CREB3: variants seen among roughly 807,000 people sequenced by gnomAD.
CREB3 encodes the protein cAMP responsive element binding protein 3.
In CREB3, 29 loss-of-function variants were observed where a neutral mutation model predicts 34.5. The ratio of observed to expected loss-of-function variants is 0.84; its 90% CI spans 0.63 to 1.15. The LOEUF (loss-of-function observed/expected upper bound fraction) is 1.15, where lower values mean the gene tolerates loss of function less well. Among genes scored for constraint, CREB3 ranks in the 50% most tolerant of loss-of-function variants. The pLI, the probability that CREB3 is intolerant of heterozygous loss-of-function variation, is 0.00. For missense variants in CREB3, 447 were observed against 443.4 expected (o/e 1.01, Z -0.07); for synonymous variants, 187 against 173.9 (o/e 1.08, Z -0.59).
rs376855806 is a variant in CREB3 at position 35,732,890 on chromosome 9, C to T, written c.118C>T (p.Pro40Ser). The T allele has an allele frequency of 8.7e-6, 14 of 1,613,596 alleles. No individual in the cohort carries two copies. The highest frequency in any genetic ancestry group is 2.2e-5 in the South Asian group (2 of 91,018). ...GAGGGCCCCACTGGACTGGGCGCTG[C>T]CGCTTTCTGAGGTAGGTTGGGGTTC... Reference protein sequence around the residue: ...AVRAPLDWALPLSEVPSDWEV... With the variant: ...AVRAPLDWALSLSEVPSDWEV... Residue 40 changes from proline (P) to serine (S), a missense_variant, in exon 1 of 9, where the codon CCG becomes TCG. Coordinates refer to ENST00000353704, the MANE Select transcript of CREB3 (RefSeq NM_006368.5). The surrounding 1 kb of genome is among the most constrained non-coding windows in gnomAD (Gnocchi z 5.1).
chr9:35,736,648 G>A lies in CREB3; in HGVS notation c.1038G>A (p.Gln346=), dbSNP rs555925268. 2.5e-6 allele frequency: 4 copies of A among 1,613,684 alleles called. No homozygotes were observed. In the East Asian group the frequency reaches 6.7e-5, roughly 27 times the overall value. ...PLCRGPILPL[Q]ANLTRKGGWL... ...GCCGAGGTCCCATCCTCCCCCTGCAGGCAAATCTCACAAGGAAGGGAGGAT... is the reference window on the plus strand; with the variant it reads ...GCCGAGGTCCCATCCTCCCCCTGCAAGCAAATCTCACAAGGAAGGGAGGAT... Residue 346 remains glutamine, a synonymous_variant, in exon 9 of 9, where the codon CAG becomes CAA. Coordinates refer to ENST00000353704, the MANE Select transcript of CREB3 (RefSeq NM_006368.5).
chr9:35,732,680 G>A lies in CREB3; in HGVS notation c.-93G>A, dbSNP rs1826110711. Reference sequence around the variant, plus strand: ...GAATCCCGGCCGTAGAGGGACAGTGGATAGGTGCCCGAGGCCTACAGCTGG... The same window carrying A: ...GAATCCCGGCCGTAGAGGGACAGTGAATAGGTGCCCGAGGCCTACAGCTGG... On this transcript the variant is annotated 5_prime_UTR_variant, in exon 1 of 9. Coordinates refer to ENST00000353704, the MANE Select transcript of CREB3 (RefSeq NM_006368.5). The surrounding 1 kb of genome is among the most constrained non-coding windows in gnomAD (Gnocchi z 5.1). 2.0e-6 allele frequency: 3 copies of A among 1,513,582 alleles called. No homozygotes were observed. Among genetic ancestry groups the A allele is most frequent in the East Asian group, 4.5e-5 (2 of 44,244 alleles). 93.8% of individuals were successfully genotyped at this position (1,513,582 alleles called of 1,614,324 possible). A position where few individuals can be genotyped will look rare whatever the true frequency, so the allele number is the denominator to read the frequency against.
intron 6 of CREB3, 96 bp from the exon 7 acceptor site, chr9:35,735,952 G>A: frequency 1.1e-6 from 1 of 894,478 alleles, no homozygotes; most frequent in Non-Finnish European, 1.9e-6. Flanking sequence ...AGAGGATCCA[G>A]TGCAGAGATG....
At chr9:35,736,332 T>G in intron 8 of CREB3, 21 bp downstream of exon 8, 1 of 1,613,792 alleles carries the variant, frequency 6.2e-7, no homozygotes. Context: ...TAAGGATAGC[T>G]CTCAGACAGG....
rs2131924678 is a variant in CREB3, at chr9:35,735,190, G to A, written c.517G>A (p.Val173Met). Residue 173 changes from valine (V) to methionine (M), a missense_variant, in exon 5 of 9, where the codon GTG becomes ATG. Coordinates refer to ENST00000353704, the MANE Select transcript of CREB3 (RefSeq NM_006368.5). ...SAQESRRKKK[V>M]YVGGLESRVL... is the part of the protein sequence containing the mutation. ...TCAAGAGAGCCGCAGGAAAAAGAAG[G>A]TGTATGTTGGGGGTTTAGAGAGCAG... 1.2e-6 allele frequency: 2 copies of A among 1,607,474 alleles called. No homozygotes were observed. Among genetic ancestry groups the A allele is most frequent in the African/African-American group, 1.3e-5 (1 of 74,338 alleles).
chr9:35,735,611 G>T (rs1001620260), intron 6 of CREB3, among the ~76,000 whole-genome samples: 10 of 152,206 alleles, frequency 6.6e-5, no homozygotes, highest in Admixed American at 3.3e-4. Context: ...AGGATTCTGG[G>T]GTTGGGTTGG....
intron 4 of CREB3, among the ~76,000 whole-genome samples, chr9:35,733,829 TAG>T (rs1026210146): frequency 3.3e-5 from 5 of 152,120 alleles, no homozygotes; most frequent in Non-Finnish European, 7.3e-5. Context: ...TAGAACTGTT[TAG>T]AGAGTTCAAC....
In CREB3 at chr9:35,732,895, T is replaced by G. The variant is rs1196306221; in HGVS notation, c.123T>G (p.Leu41=). 1 of 1,613,716 alleles carries G rather than the reference T, an allele frequency of 6.2e-7. No homozygotes were observed. The highest frequency in any genetic ancestry group is 2.2e-5 in the East Asian group (1 of 44,880). ...VRAPLDWALP[L]SEVPSDWEVD... ...CCCCACTGGACTGGGCGCTGCCGCT[T>G]TCTGAGGTAGGTTGGGGTTCTGACT... The change falls in exon 1 of 9, where the codon CTT becomes CTG. Residue 41 remains leucine (L), a synonymous_variant. Transcript: ENST00000353704. This position sits in a 1 kb window ranked among gnomAD's most constrained non-coding sequence, Gnocchi z 5.1.
chr9:35,733,324 A>G, intron 3 of CREB3, 42 bp downstream of exon 3: 2 of 1,612,218 alleles, frequency 1.2e-6, no homozygotes, highest in Non-Finnish European at 1.7e-6. Context: ...CACATTCCCC[A>G]GGTGGGGGCA....
Position 35,736,237 on chromosome 9 carries a change from TCTC to T in CREB3, c.710_712del (p.Ser237del), listed in dbSNP as rs1189900559. The T allele has an allele frequency of 6.2e-7, 1 of 1,614,030 alleles. No homozygotes were observed. The highest frequency in any genetic ancestry group is 1.7e-5 in the Admixed American group (1 of 59,994). On this transcript the variant is annotated inframe_deletion, in exon 8 of 9. Coordinates refer to ENST00000353704, the MANE Select transcript of CREB3 (RefSeq NM_006368.5). ...TTTCCTGTGCTCTAGGTCCTACTAG[TCTC>T]CTTCTGCCTCCTCCTTGTACCTGCT... is the stretch of plus-strand genomic sequence containing the variant.
chr9:35,734,365 T>C (rs947261373), intron 4 of CREB3, among the ~76,000 whole-genome samples: 6 of 152,338 alleles, frequency 3.9e-5, no homozygotes, highest in Middle Eastern at 3.4e-3. Context: ...ACTCTCTTGC[T>C]TTCCTTGATA....
intron 6 of CREB3, 67 bp downstream of exon 6, chr9:35,735,441 G>C (rs1427143324): frequency 7.0e-7 from 1 of 1,419,542 alleles, no homozygotes; most frequent in Non-Finnish European, 1.0e-6. Flanking sequence ...TCTTTCCCCT[G>C]CCCTACACTT....
Position 35,732,992 on chromosome 9 carries a change from G to A in CREB3, c.130-4G>A, listed in dbSNP as rs1390035372. On this transcript the variant is annotated splice_polypyrimidine_tract_variant and splice_region_variant and intron_variant, in intron 1 of 8. Coordinates refer to ENST00000353704, the MANE Select transcript of CREB3 (RefSeq NM_006368.5). This position sits in a 1 kb window ranked among gnomAD's most constrained non-coding sequence, Gnocchi z 5.1. ...CAAGGCCTGTTCATTGGAACCCTGC[G>A]CAGGTACCGAGCGACTGGGAAGTAG... The A allele has an allele frequency of 6.2e-7, 1 of 1,614,102 alleles. No individual in the cohort carries two copies. The highest frequency in any genetic ancestry group is 1.1e-5 in the South Asian group (1 of 91,070).
chr9:35,733,938 A>G (rs1023297412), intron 4 of CREB3, among the ~76,000 whole-genome samples: 8 of 152,290 alleles, frequency 5.3e-5, no homozygotes, highest in Admixed American at 1.3e-4. Flanking sequence ...CTGGGGTACT[A>G]TGATGAAATC....
In CREB3 at chr9:35,732,971, GCCT is replaced by G. The variant is rs1218094870; in HGVS notation, c.130-24_130-22del. On this transcript the variant is annotated intron_variant, in intron 1 of 8. Transcript: ENST00000353704. This position sits in a 1 kb window ranked among gnomAD's most constrained non-coding sequence, Gnocchi z 5.1. ...GTCAGGTGATGGTGATAAGGTCAAG[GCCT>G]GTTCATTGGAACCCTGCGCAGGTAC... is the stretch of plus-strand genomic sequence containing the variant. 6.2e-7 allele frequency: 1 copy of G among 1,613,812 alleles called. No homozygotes were observed. Among genetic ancestry groups the G allele is most frequent in the Non-Finnish European group, 8.5e-7 (1 of 1,179,808 alleles).
At chr9:35,734,523 C>T (rs1826158645) in intron 4 of CREB3, among the ~76,000 whole-genome samples, 1 of 152,032 alleles carries the variant, frequency 6.6e-6, no homozygotes, top group African/African-American at 2.4e-5. Context: ...TTCTATTTGG[C>T]CCCAGAGATA....
chr9:35,735,924 T>C (rs1211432918), intron 6 of CREB3, 124 bp from the exon 7 acceptor site: 6 of 731,336 alleles, frequency 8.2e-6, no homozygotes, highest in East Asian at 5.0e-5. Context: ...TTTGCAAAAA[T>C]AGAATGAAAA....
rs746699930 is a variant in CREB3, at chr9:35,733,477, C to T, written c.427C>T (p.Leu143Phe). ...GCTTATTCTGCCTGAGACACTTCCT[C>T]TCACTAAGGTAAGACTCTCATTGGT... ...EGLILPETLPLTKTEEQILKR... is the reference protein window; with the variant it reads ...EGLILPETLPFTKTEEQILKR... The change falls in exon 4 of 9, where the codon CTC becomes TTC. Residue 143 changes from leucine (L) to phenylalanine (F), a missense_variant. Transcript: ENST00000353704. 6.2e-7 allele frequency: 1 copy of T among 1,610,754 alleles called. No homozygotes were observed. Among genetic ancestry groups the T allele is most frequent in the South Asian group, 1.1e-5 (1 of 90,970 alleles).
In CREB3 at chr9:35,736,088, A is replaced by C; in HGVS notation, c.652A>C (p.Ile218Leu). Residue 218 changes from isoleucine (I) to leucine (L), a missense_variant, in exon 7 of 9, where the codon ATT becomes CTT. Coordinates refer to ENST00000353704, the MANE Select transcript of CREB3 (RefSeq NM_006368.5). ...DQLRKLQAMV[I>L]EISNKTSSSS... ...ACTGAGGAAACTCCAGGCCATGGTG[A>C]TTGAGATATCAAACAAAACCAGCAG... is the stretch of plus-strand genomic sequence containing the variant. The C allele has an allele frequency of 6.2e-7, 1 of 1,614,068 alleles. No homozygotes were observed. The highest frequency in any genetic ancestry group is 8.5e-7 in the Non-Finnish European group (1 of 1,179,994).
Sources: allele counts gnomAD v4.1 joint callset (sites outside exome capture counted in the v4.1 genomes callset), GRCh38; gene constraint gnomAD v4.1.1; non-coding constraint Gnocchi (gnomAD v3.1); transcripts MANE v1.5; gene names NCBI Gene and HGNC (gene_info 2026-07-23, HGNC 2026-07-21).